Variants in ITGAV observed in about 807,000 individuals in gnomAD.
The protein encoded by ITGAV is integrin subunit alpha V.
Under a neutral mutation model 143.8 loss-of-function variants are expected in ITGAV, and 76 were observed. The ratio of observed to expected loss-of-function variants is 0.53; its 90% CI spans 0.44 to 0.64. The LOEUF (loss-of-function observed/expected upper bound fraction) is 0.64. Among genes scored for constraint, ITGAV ranks in the 30% least tolerant of loss-of-function variants. ITGAV has a pLI of 0.00. For missense variants in ITGAV, 1,193 were observed against 1,274.7 expected, an observed-to-expected ratio of 0.94 and a Z score of 0.98; for synonymous variants, 453 against 446.7, an observed-to-expected ratio of 1.01 and a Z score of -0.18.
intron 26 of ITGAV, among the ~76,000 whole-genome samples, chr2:186,671,308 C>G (rs1034306855): frequency 1.3e-5 from 2 of 152,048 alleles, no homozygotes; most frequent in Admixed American, 6.6e-5. Context: ...GCCCTTCCTG[C>G]CTCTCTGCTT....
intron 6 of ITGAV, among the ~76,000 whole-genome samples, chr2:186,634,964 A>G (rs1048565915): frequency 4.6e-5 from 7 of 152,114 alleles, no homozygotes; most frequent in African/African-American, 9.7e-5. Flanking sequence ...CTGTCTTTTT[A>G]AGAGATACAG....
intron 17 of ITGAV, among the ~76,000 whole-genome samples, 173 bp from the exon 18 acceptor site, chr2:186,658,865 A>G (rs1011833704): frequency 1.3e-5 from 2 of 152,174 alleles, no homozygotes; most frequent in African/African-American, 4.8e-5. Context: ...TTACTTGATA[A>G]GGATAATCTT....
chr2:186,656,985 TAAAC>T (rs1272784064), intron 17 of ITGAV, among the ~76,000 whole-genome samples: 3 of 68,604 alleles, frequency 4.4e-5, no homozygotes, highest in African/African-American at 1.1e-4. Context: ...ATGAATTCAT[TAAAC>T]ACACACACAC....
intron 1 of ITGAV, among the ~76,000 whole-genome samples, chr2:186,599,847 C>A (rs1686848769): frequency 6.6e-6 from 1 of 152,178 alleles, no homozygotes; most frequent in South Asian, 2.1e-4. Context: ...CATATTCAGG[C>A]CTCCAGCGAT....
chr2:186,652,111 T>C (rs1287296470), intron 15 of ITGAV, 22 bp downstream of exon 15: 1 of 1,360,584 alleles, frequency 7.3e-7, no homozygotes, highest in Non-Finnish European at 1.0e-6. Context: ...TGTTTAATAA[T>C]AGTTATTATT....
At chr2:186,648,145 T>C (rs572521373) in intron 13 of ITGAV, among the ~76,000 whole-genome samples, 46 of 152,306 alleles carry the variant, frequency 3.0e-4, no homozygotes, top group African/African-American at 1.1e-3. Flanking sequence ...CTGCATCATA[T>C]CTTATTTACC....
intron 2 of ITGAV, 63 bp from the exon 3 acceptor site, chr2:186,622,276 A>G (rs1008979897): frequency 2.6e-6 from 3 of 1,148,116 alleles, no homozygotes; most frequent in Non-Finnish European, 3.9e-6. Flanking sequence ...TGGGGATAAA[A>G]ATAAACTGTT....
intron 2 of ITGAV, among the ~76,000 whole-genome samples, chr2:186,619,488 T>A (rs1687464102): frequency 6.6e-6 from 1 of 152,132 alleles, no homozygotes; most frequent in South Asian, 2.1e-4. Context: ...TTTCTACCAC[T>A]GTAGGGTTAT....
At chr2:186,624,628 CAATT>C (rs1687623081) in intron 3 of ITGAV, among the ~76,000 whole-genome samples, 2 of 152,106 alleles carry the variant, frequency 1.3e-5, no homozygotes, top group African/African-American at 4.8e-5. Flanking sequence ...TATAGAAAAT[CAATT>C]AAACCTTTTT....
chr2:186,625,117 C>G (rs1175267325), intron 3 of ITGAV, among the ~76,000 whole-genome samples: 1 of 152,078 alleles, frequency 6.6e-6, no homozygotes, highest in East Asian at 1.9e-4. Flanking sequence ...GGTATGGTGG[C>G]TCACAATTAG....
intron 2 of ITGAV, among the ~76,000 whole-genome samples, chr2:186,619,065 A>G (rs188858284): frequency 3.9e-4 from 59 of 149,768 alleles, no homozygotes; most frequent in East Asian, 2.5e-3. Flanking sequence ...ATGTATGTGT[A>G]TATATATATA....
At position 186,636,326 on chromosome 2, in the gene ITGAV, T is replaced by C. The variant is rs928635778; in HGVS notation, c.757+119T>C. ...AAATAGATTAGGATTTTTTGAAACA[T>C]ACAGAATATACAATTTCAAATTGTT... On this transcript the variant is annotated intron_variant, in intron 7 of 29. Transcript: ENST00000261023. 7 of 751,658 alleles carry C rather than the reference T, an allele frequency of 9.3e-6. No individual in the cohort carries two copies. The African/African-American group carries it at 1.1e-4, about 12-fold the overall frequency. The allele number at this position is 751,658 out of a possible 1,614,324, so 46.6% of individuals were successfully genotyped here.
At position 186,677,488 on chromosome 2, in the gene ITGAV, G is replaced by C. The variant is rs1689247605; in HGVS notation, c.*196G>C. On this transcript the variant is annotated 3_prime_UTR_variant, in exon 30 of 30. Coordinates refer to ENST00000261023, the MANE Select transcript of ITGAV (RefSeq NM_002210.5). ...GTTCAGACATACATTTAATAACATA[G>C]GGTGACTTGTGTTTTTAGGTATTTA... The C allele has an allele frequency of 2.0e-6, 1 of 503,230 alleles. No individual in the cohort carries two copies. Among genetic ancestry groups the C allele is most frequent in the South Asian group, 2.6e-5 (1 of 37,880 alleles). 31.2% of individuals were successfully genotyped at this position (503,230 alleles called of 1,614,324 possible).
At chr2:186,590,982 C>T (rs145540801) in intron 1 of ITGAV, among the ~76,000 whole-genome samples, 31 of 152,266 alleles carry the variant, frequency 2.0e-4, no homozygotes, top group African/African-American at 7.2e-4. Context: ...AACAAGCCCT[C>T]CCCCACTCTT....
chr2:186,598,436 A>ATTT (rs34986292), intron 1 of ITGAV, among the ~76,000 whole-genome samples: 19 of 117,388 alleles, frequency 1.6e-4, no homozygotes, highest in African/African-American at 3.3e-4. Context: ...TACTCATAGC[A>ATTT]TTTTTTTTTT....
intron 2 of ITGAV, among the ~76,000 whole-genome samples, chr2:186,608,980 A>C (rs76557146): frequency 0.013 from 1,947 of 152,244 alleles, 19 homozygotes; most frequent in Middle Eastern, 0.051. Context: ...CTTGTCCATC[A>C]TGCCTCTTTG....
chr2:186,625,423 A>C (rs1687644754), intron 3 of ITGAV, 50 bp from the exon 4 acceptor site: 1 of 1,204,392 alleles, frequency 8.3e-7, no homozygotes, highest in East Asian at 2.3e-5. Flanking sequence ...CATCTGAAAC[A>C]CTAAATTTTT....
Position 186,594,387 on chromosome 2 carries a change from T to C in ITGAV, c.185+3864T>C, listed in dbSNP as rs1287197704. On this transcript the variant is annotated intron_variant, in intron 1 of 29. Coordinates refer to ENST00000261023, the MANE Select transcript of ITGAV (RefSeq NM_002210.5). ...TTTCTCCTACTTCACCACCTTAATA[T>C]CAGTCAGTGATTAGTCAACAGGCAG... 3.9e-5 allele frequency among the ~76,000 whole-genome samples: 6 copies of C among 152,186 alleles called. No individual in the cohort carries two copies. The East Asian group carries it at 1.2e-3, about 29-fold the overall frequency.
At chr2:186,646,609 C>G in intron 12 of ITGAV, 77 bp from the exon 13 acceptor site, 1 of 1,080,846 alleles carries the variant, frequency 9.3e-7, no homozygotes, top group Admixed American at 2.3e-5. Context: ...TCTCTCGTTC[C>G]TTCCTCATTC....
Sources: allele counts gnomAD v4.1 joint callset (sites outside exome capture counted in the v4.1 genomes callset), GRCh38; gene constraint gnomAD v4.1.1; transcripts MANE v1.5; gene names NCBI Gene and HGNC (gene_info 2026-07-23, HGNC 2026-07-21).